POLR3B: variants seen among roughly 807,000 people sequenced by gnomAD.
POLR3B encodes the protein RNA polymerase III subunit B.
In POLR3B, 96 loss-of-function variants were observed where a neutral mutation model predicts 147.4. That is an observed-to-expected ratio of 0.65 (90% confidence interval 0.55 to 0.77). The LOEUF (loss-of-function observed/expected upper bound fraction) is 0.77. Ranked by LOEUF, POLR3B falls within the 30% of genes least tolerant of loss-of-function variation. The probability of loss-of-function intolerance (pLI) is 0.00; values close to 1 mark genes in which losing one functional copy is unlikely to be tolerated. For missense variants in POLR3B, 1,036 were observed against 1,413.5 expected (o/e 0.73, Z 4.28); for synonymous variants, 461 against 485.9 (o/e 0.95, Z 0.67).
chr12:106,456,577 A>G (rs61941921), intron 20 of POLR3B, among the ~76,000 whole-genome samples: 21,590 of 152,160 alleles, frequency 0.14, 1,939 homozygotes, highest in Non-Finnish European at 0.2. Context: ...CTAAATGCCA[A>G]ATTTTAAAAA....
intron 20 of POLR3B, 113 bp downstream of exon 20, chr12:106,454,824 T>G (rs2037844359): frequency 2.8e-6 from 2 of 711,014 alleles, no homozygotes; most frequent in Non-Finnish European, 5.1e-6. Context: ...TTGAATTTTA[T>G]GATATAGAAA....
chr12:106,507,193 G>A (rs941221688), intron 27 of POLR3B, among the ~76,000 whole-genome samples: 13 of 152,162 alleles, frequency 8.5e-5, no homozygotes, highest in African/African-American at 3.1e-4. Context: ...CTCGTGTGAA[G>A]CCACAGCCTC....
At position 106,509,610 on chromosome 12, in the gene POLR3B, A is replaced by C; in HGVS notation, c.*61A>C. 6.8e-7 allele frequency: 1 copy of C among 1,465,836 alleles called. No individual in the cohort carries two copies. Among genetic ancestry groups the C allele is most frequent in the Non-Finnish European group, 9.5e-7 (1 of 1,052,982 alleles). 90.8% of individuals were successfully genotyped at this position (1,465,836 alleles called of 1,614,324 possible). On this transcript the variant is annotated 3_prime_UTR_variant, in exon 28 of 28. Transcript: ENST00000228347. ...TACATCCAATGCAACGGAAAGCAGA[A>C]GGGATTTAGGACTACGTCTCCTCCT...
chr12:106,427,315 G>T lies in POLR3B; in HGVS notation c.1220G>T (p.Arg407Leu). The T allele has an allele frequency of 6.2e-7, 1 of 1,613,364 alleles. No homozygotes were observed. Among genetic ancestry groups the T allele is most frequent in the Non-Finnish European group, 8.5e-7 (1 of 1,179,706 alleles). ...AAQFDVVKHM[R>L]QDQITNGMVN... ...CAGTTTGATGTTGTCAAACACATGC[G>T]CCAAGACCAGATCACCAATGGCATG... Residue 407 changes from arginine (R) to leucine (L), a missense_variant, in exon 13 of 28, where the codon CGC (arginine) becomes CTC (leucine). Around this residue, in one of 12 missense-constraint regions of POLR3B, gnomAD observed 89 missense variants for 110.9 expected, o/e 0.80. Coordinates refer to ENST00000228347, the MANE Select transcript of POLR3B (RefSeq NM_018082.6).
intron 10 of POLR3B, among the ~76,000 whole-genome samples, chr12:106,404,175 C>T: frequency 6.6e-6 from 1 of 151,026 alleles, no homozygotes. Flanking sequence ...ACTGCAATCT[C>T]CCTTTCCTGG....
chr12:106,380,114 A>G lies in POLR3B; in HGVS notation c.698A>G (p.Asp233Gly). ...FYLRHNTLSE[D>G]IPIVIIFKAM... ...TTGAGGCATAATACTTTGTCAGAAG[A>G]TATACCCATTGTCATCATATTTAAG... Residue 233 changes from aspartate to glycine, a missense_variant, in exon 9 of 28, where the codon GAT (aspartate) becomes GGT (glycine). Physicochemically the swap from Asp to Gly is moderately conservative, Grantham distance 94. Transcript: ENST00000228347. 4 of 1,598,120 alleles carry G rather than the reference A, an allele frequency of 2.5e-6. No individual in the cohort carries two copies. Among genetic ancestry groups the G allele is most frequent in the Non-Finnish European group, 3.4e-6 (4 of 1,165,572 alleles).
intron 23 of POLR3B, among the ~76,000 whole-genome samples, chr12:106,465,620 C>G (rs1256429797): frequency 1.3e-5 from 2 of 152,164 alleles, no homozygotes; most frequent in African/African-American, 4.8e-5. Context: ...CCTAGCCTCC[C>G]ACCCCAGGCA....
intron 10 of POLR3B, among the ~76,000 whole-genome samples, chr12:106,394,278 C>T (rs1174619565): frequency 6.6e-6 from 1 of 152,180 alleles, no homozygotes; most frequent in Non-Finnish European, 1.5e-5. Context: ...ACTGCAGTTA[C>T]AGGGCAGGCA....
At chr12:106,438,097 T>C (rs1290527750) in intron 18 of POLR3B, among the ~76,000 whole-genome samples, 1 of 152,158 alleles carries the variant, frequency 6.6e-6, no homozygotes, top group Non-Finnish European at 1.5e-5. Context: ...TGTGTCCATG[T>C]GTTCTCATTG....
chr12:106,374,481 A>G (rs984653468), intron 6 of POLR3B, among the ~76,000 whole-genome samples: 2 of 150,470 alleles, frequency 1.3e-5, no homozygotes, highest in African/African-American at 4.9e-5. Flanking sequence ...CTCCCAAAGC[A>G]TTGAGAATTG....
chr12:106,446,915 G>C (rs2037732845), intron 19 of POLR3B, among the ~76,000 whole-genome samples: 1 of 148,546 alleles, frequency 6.7e-6, no homozygotes, highest in East Asian at 1.9e-4. Context: ...AATGACAAAA[G>C]GAAAAAGGTC....
chr12:106,424,392 T>C (rs1384917239), intron 12 of POLR3B, among the ~76,000 whole-genome samples: 1 of 152,198 alleles, frequency 6.6e-6, no homozygotes, highest in African/African-American at 2.4e-5. Context: ...TCATCCATTA[T>C]TAAGTTCCCC....
At chr12:106,446,155 G>A (rs1159415463) in intron 19 of POLR3B, 2 of 446,116 alleles carry the variant, frequency 4.5e-6, no homozygotes, top group African/African-American at 4.0e-5. Flanking sequence ...TGTGTGTCAT[G>A]AAAGGGCTAT....
intron 17 of POLR3B, 124 bp downstream of exon 17, chr12:106,437,255 A>G: frequency 2.6e-6 from 2 of 761,292 alleles, no homozygotes; most frequent in East Asian, 2.7e-5. Flanking sequence ...TTAAAAACCT[A>G]TTTTGCTCCA....
chr12:106,509,570 A>G lies in POLR3B; in HGVS notation c.*21A>G. ...AATGAGGATGGAAAAAATGATTATT[A>G]AAGAGAACAAGTGATACATCCAATG... On this transcript the variant is annotated 3_prime_UTR_variant, in exon 28 of 28. Transcript: ENST00000228347. 6.2e-7 allele frequency: 1 copy of G among 1,604,526 alleles called. No individual in the cohort carries two copies. Among genetic ancestry groups the G allele is most frequent in the Non-Finnish European group, 8.5e-7 (1 of 1,172,188 alleles).
intron 6 of POLR3B, among the ~76,000 whole-genome samples, chr12:106,371,720 A>G (rs2036610120): frequency 6.9e-6 from 1 of 144,750 alleles, no homozygotes; most frequent in Non-Finnish European, 1.5e-5. Context: ...ATTCTCACTC[A>G]TAGGTGGGAA....
At chr12:106,472,560 T>C (rs1199305767) in intron 23 of POLR3B, among the ~76,000 whole-genome samples, 3 of 151,374 alleles carry the variant, frequency 2.0e-5, no homozygotes, top group Non-Finnish European at 4.4e-5. Context: ...CCATTCTAAC[T>C]GGTGTGAGAT....
intron 4 of POLR3B, among the ~76,000 whole-genome samples, chr12:106,367,350 A>G (rs2036548708): frequency 6.6e-6 from 1 of 152,254 alleles, no homozygotes; most frequent in Non-Finnish European, 1.5e-5. Context: ...ACATAACCAT[A>G]GCACAATGAT....
intron 10 of POLR3B, among the ~76,000 whole-genome samples, chr12:106,402,347 G>A (rs896628553): frequency 3.9e-5 from 6 of 152,096 alleles, no homozygotes; most frequent in Non-Finnish European, 8.8e-5. Flanking sequence ...CATGCTCATG[G>A]GTAGGAAGAA....
Sources: allele counts gnomAD v4.1 joint callset (sites outside exome capture counted in the v4.1 genomes callset), GRCh38; gene constraint gnomAD v4.1.1; regional missense constraint gnomAD v4.1.1; transcripts MANE v1.5; gene names NCBI Gene and HGNC (gene_info 2026-07-23, HGNC 2026-07-21).